MYT1L: variants seen among roughly 807,000 people sequenced by gnomAD.
MYT1L encodes the protein myelin transcription factor 1-like protein.
A neutral mutation model predicts 126.7 loss-of-function variants in MYT1L; 12 were observed. That is an observed-to-expected ratio of 0.09 (90% CI 0.06 to 0.15). MYT1L has a LOEUF of 0.15. Ranked by LOEUF, MYT1L falls within the 10% of genes least tolerant of loss-of-function variation. MYT1L has a pLI of 1.00. For synonymous variants in MYT1L, 541 were observed against 604.2 expected (o/e 0.90, Z 1.53); for missense variants, 979 against 1,585.2 (o/e 0.62, Z 6.49).
chr2:2,300,309 C>T (rs184579087), intron 1 of MYT1L, among the ~76,000 whole-genome samples: 3 of 152,284 alleles, frequency 2.0e-5, no homozygotes, highest in East Asian at 1.9e-4. Flanking sequence ...AGATCGCATG[C>T]TCATGTAACC....
chr2:2,186,992 A>T (rs1430966068), intron 2 of MYT1L, among the ~76,000 whole-genome samples: 2 of 152,138 alleles, frequency 1.3e-5, no homozygotes, highest in East Asian at 1.9e-4. Flanking sequence ...AAAATAAAGA[A>T]TTTTTTTCTA....
At chr2:2,253,250 G>T (rs938888213) in intron 2 of MYT1L, among the ~76,000 whole-genome samples, 1 of 152,206 alleles carries the variant, frequency 6.6e-6, no homozygotes, top group Non-Finnish European at 1.5e-5. Context: ...AGCTTTTGCT[G>T]CCCCCCTCGC....
At chr2:1,888,425 C>T (rs1472291805) in intron 16 of MYT1L, among the ~76,000 whole-genome samples, 1 of 152,210 alleles carries the variant, frequency 6.6e-6, no homozygotes, top group African/African-American at 2.4e-5. Context: ...AGATAATAGG[C>T]TTATAAGCAG....
chr2:1,896,199 G>C (rs1409856969), intron 14 of MYT1L, among the ~76,000 whole-genome samples: 1 of 152,170 alleles, frequency 6.6e-6, no homozygotes, highest in East Asian at 1.9e-4. Flanking sequence ...AGATGCTGGA[G>C]AGGCTGTGGA....
Position 1,957,091 on chromosome 2 carries a change from C to T in MYT1L, c.153-13757G>A, listed in dbSNP as rs370011029. Among the ~76,000 whole-genome samples the T allele has an allele frequency of 3.9e-5, 6 of 152,132 alleles. No individual in the cohort carries two copies. In the South Asian group the frequency reaches 6.2e-4, roughly 16 times the overall value. On this transcript the variant is annotated intron_variant, in intron 8 of 24. Transcript: ENST00000647738. ...TAACCAGAGGTGTATGGCAGAGTGC[C>T]GGGCACAGGGAGGGGTGCTGCATGT...
At chr2:1,792,739 G>A (rs560258064) in intron 23 of MYT1L, among the ~76,000 whole-genome samples, 11 of 152,026 alleles carry the variant, frequency 7.2e-5, no homozygotes, top group East Asian at 3.9e-4. Flanking sequence ...GCGTGGTGGC[G>A]TGCGCCTGTA....
At chr2:2,024,435 TC>T (rs1483863109) in intron 4 of MYT1L, among the ~76,000 whole-genome samples, 1 of 152,216 alleles carries the variant, frequency 6.6e-6, no homozygotes, top group African/African-American at 2.4e-5. Context: ...TGAAATTCCC[TC>T]CCCTTGTGGC....
At chr2:1,918,687 C>CCTCT in intron 10 of MYT1L, among the ~76,000 whole-genome samples, 1 of 152,258 alleles carries the variant, frequency 6.6e-6, no homozygotes, top group Admixed American at 6.5e-5. Context: ...GCATAATGTG[C>CCTCT]CTCTCCTGTA....
rs575868897 is a variant in MYT1L, at chr2:2,308,356, C to T, written c.-521+22611G>A. Among the ~76,000 whole-genome samples the T allele has an allele frequency of 1.4e-4, 21 of 152,014 alleles. No homozygotes were observed. In the East Asian group the frequency reaches 3.7e-3, roughly 27 times the overall value. Reference sequence around the variant, plus strand: ...TTCACTATACTCTACCTATACTTCACCTACATTTCAGTATATTGTACCCAT... The same window carrying T: ...TTCACTATACTCTACCTATACTTCATCTACATTTCAGTATATTGTACCCAT... On this transcript the variant is annotated intron_variant, in intron 1 of 24. Coordinates refer to ENST00000647738, the MANE Select transcript of MYT1L (RefSeq NM_001303052.2).
At chr2:2,197,708 G>A (rs947430467) in intron 2 of MYT1L, among the ~76,000 whole-genome samples, 7 of 138,580 alleles carry the variant, frequency 5.1e-5, no homozygotes, top group Non-Finnish European at 1.1e-4. Context: ...CACACACAAC[G>A]AATGTGTAGA....
intron 3 of MYT1L, among the ~76,000 whole-genome samples, chr2:2,117,538 G>A (rs1304739336): frequency 6.6e-6 from 1 of 152,182 alleles, no homozygotes. Context: ...TCTGTGCCAA[G>A]ACGCAGCCCT....
At chr2:2,140,150 T>C (rs933808006) in intron 3 of MYT1L, among the ~76,000 whole-genome samples, 1 of 152,186 alleles carries the variant, frequency 6.6e-6, no homozygotes, top group African/African-American at 2.4e-5. Flanking sequence ...TATAAAGCCT[T>C]TCAAAACAAG....
chr2:2,017,895 G>A (rs1574550052), intron 4 of MYT1L, among the ~76,000 whole-genome samples: 1 of 152,106 alleles, frequency 6.6e-6, no homozygotes, highest in Non-Finnish European at 1.5e-5. Flanking sequence ...GATTTAATTT[G>A]TTGTTTTTAT....
At chr2:2,234,863 G>C (rs1400656212) in intron 2 of MYT1L, among the ~76,000 whole-genome samples, 2 of 152,158 alleles carry the variant, frequency 1.3e-5, no homozygotes, top group Non-Finnish European at 2.9e-5. Flanking sequence ...TGTTGAAATA[G>C]ATGAGTGCTC....
At chr2:1,999,341 G>A (rs1431411543) in intron 4 of MYT1L, among the ~76,000 whole-genome samples, 2 of 152,124 alleles carry the variant, frequency 1.3e-5, no homozygotes, top group Non-Finnish European at 2.9e-5. Context: ...TTGACTGAGG[G>A]CTGAGTCTCT....
At position 1,887,633 on chromosome 2, in the gene MYT1L, A is replaced by G; in HGVS notation, c.2521-24T>C. The G allele has an allele frequency of 6.2e-7, 1 of 1,613,912 alleles. No individual in the cohort carries two copies. The highest frequency in any genetic ancestry group is 1.7e-5 in the Admixed American group (1 of 60,014). Reference sequence around the variant, plus strand: ...GGCTGTGGGCAAAACACAGCTTCAGAGCCACACGGATGATCACATGGCACA... The same window carrying G: ...GGCTGTGGGCAAAACACAGCTTCAGGGCCACACGGATGATCACATGGCACA... On this transcript the variant is annotated intron_variant, in intron 16 of 24. Transcript: ENST00000647738. This position sits in a 1 kb window ranked among gnomAD's most constrained non-coding sequence, Gnocchi z 4.8.
At chr2:2,037,055 GT>G (rs1451100490) in intron 4 of MYT1L, among the ~76,000 whole-genome samples, 1 of 152,156 alleles carries the variant, frequency 6.6e-6, no homozygotes, top group East Asian at 1.9e-4. Flanking sequence ...GCCTGAAATA[GT>G]CCCCCCGCTT....
intron 1 of MYT1L, among the ~76,000 whole-genome samples, chr2:2,321,629 A>C (rs1559671940): frequency 1.3e-5 from 2 of 152,300 alleles, no homozygotes; most frequent in East Asian, 3.9e-4. Context: ...ATTTAGGTTG[A>C]GATAACGGCA....
At position 2,289,279 on chromosome 2, in the gene MYT1L, T is replaced by C. The variant is rs187256544; in HGVS notation, c.-520-4776A>G. On this transcript the variant is annotated intron_variant, in intron 1 of 24. Transcript: ENST00000647738. ...TTTTATTGCATGTTGGCCAAAAAGC[T>C]TTCTTTAAATGTACTCAAGCTTACC... Among the ~76,000 whole-genome samples the C allele has an allele frequency of 2.6e-5, 4 of 152,342 alleles. No homozygotes were observed. The East Asian group carries it at 7.7e-4, about 29-fold the overall frequency.
Sources: gnomAD v4.1 joint callset for allele counts (sites outside exome capture counted in the v4.1 genomes callset) on GRCh38, gnomAD v4.1.1 for gene constraint, Gnocchi (gnomAD v3.1) non-coding constraint, MANE v1.5 for transcripts, NCBI Gene and HGNC (gene_info 2026-07-23, HGNC 2026-07-21) for gene names.